Variants in AFAP1L2 observed in about 807,000 individuals in gnomAD.
AFAP1L2 encodes the protein actin filament associated protein 1 like 2, also known as actin filament-associated protein 1-like 2.
Under a neutral mutation model 99.3 loss-of-function variants are expected in AFAP1L2, and 46 were observed. The observed-to-expected ratio is 0.46, with a 90% CI of 0.37 to 0.59. The LOEUF (loss-of-function observed/expected upper bound fraction) is 0.59, where lower values mean the gene tolerates loss of function less well. Among genes scored for constraint, AFAP1L2 ranks in the 20% least tolerant of loss-of-function variants. The probability of loss-of-function intolerance (pLI) is 0.00; values close to 1 mark genes in which losing one functional copy is unlikely to be tolerated. For synonymous variants in AFAP1L2, 397 were observed against 419.1 expected (o/e 0.95, Z 0.64); for missense variants, 959 against 1,034.9 (o/e 0.93, Z 1.01).
intron 5 of AFAP1L2, among the ~76,000 whole-genome samples, chr10:114,316,457 C>T (rs752277891): frequency 3.3e-5 from 5 of 152,258 alleles, no homozygotes; most frequent in African/African-American, 1.2e-4. Context: ...ATACCCTCCA[C>T]AGACACTGCT....
rs542628512 is a variant in AFAP1L2 at position 114,299,233 on chromosome 10, G to T, written c.2113+27C>A. 4 of 1,613,240 alleles carry T rather than the reference G, an allele frequency of 2.5e-6. No individual in the cohort carries two copies. The South Asian group carries it at 3.3e-5, about 13-fold the overall frequency. The stretch of plus-strand genomic sequence containing the variant: ...GCCTACACGGCCCTCTGAGCTGAGG[G>T]TCCCTCCCCACTGGGGGCCCCCTTA... On this transcript the variant is annotated intron_variant, in intron 16 of 18. Coordinates refer to ENST00000304129, the MANE Select transcript of AFAP1L2 (RefSeq NM_001001936.3).
At chr10:114,324,398 C>CG (rs1202265855) in intron 4 of AFAP1L2, among the ~76,000 whole-genome samples, 1 of 4,852 alleles carries the variant, frequency 2.1e-4, no homozygotes, top group African/African-American at 3.6e-4. Context: ...GGTGCACCAC[C>CG]CCCCCCCCCC....
chr10:114,354,436 A>G (rs926204143), intron 1 of AFAP1L2, among the ~76,000 whole-genome samples: 1 of 152,218 alleles, frequency 6.6e-6, no homozygotes, highest in Non-Finnish European at 1.5e-5. Flanking sequence ...TTAGAGAACA[A>G]TAATGAGTGG....
chr10:114,361,522 G>A (rs2052412849), intron 1 of AFAP1L2, among the ~76,000 whole-genome samples: 1 of 152,192 alleles, frequency 6.6e-6, no homozygotes, highest in South Asian at 2.1e-4. Context: ...CCGGGGGACA[G>A]TACTCACTCA....
intron 1 of AFAP1L2, among the ~76,000 whole-genome samples, chr10:114,346,224 AG>A (rs1360715384): frequency 6.6e-6 from 1 of 152,138 alleles, no homozygotes; most frequent in Non-Finnish European, 1.5e-5. Flanking sequence ...AGGTCCAGCC[AG>A]GCCCCTTCTC....
chr10:114,293,591 C>T (rs2039802960), downstream of AFAP1L2, among the ~76,000 whole-genome samples: 2 of 152,136 alleles, frequency 1.3e-5, no homozygotes, highest in South Asian at 4.1e-4. Flanking sequence ...TTTTTTCTTT[C>T]ATTTAAAAGA....
chr10:114,314,041 A>T lies in AFAP1L2; in HGVS notation c.622T>A (p.Ser208Thr). 1 of 1,609,998 alleles carries T rather than the reference A, an allele frequency of 6.2e-7. No homozygotes were observed. The highest frequency in any genetic ancestry group is 8.5e-7 in the Non-Finnish European group (1 of 1,176,822). The change falls in exon 7 of 19, where the codon TCC becomes ACC. Residue 208 changes from serine to threonine, a missense_variant. Ser to Thr is a moderately conservative substitution (Grantham distance 58). Around this residue, in one of 2 missense-constraint regions of AFAP1L2, gnomAD observed 383 missense variants for 472.8 expected, o/e 0.81. Transcript: ENST00000304129. ...AGCTGAGGGCTGTGGTCCTTGGAGG[A>T]TTTGTAGCACTGGAAGGAAAGAGAG... ...IKDNRLLCYK[S>T]SKDHSPQLDV...
Position 114,297,118 on chromosome 10 carries a change from G to T in AFAP1L2, c.2308-18C>A. 6.2e-7 allele frequency: 1 copy of T among 1,613,786 alleles called. No individual in the cohort carries two copies. The highest frequency in any genetic ancestry group is 1.1e-5 in the South Asian group (1 of 91,046). ...GCTTTGGGCTGTGGTTATAGGAGGA[G>T]AGCAAGGGCTGAGTCAAGGGGAGGG... On this transcript the variant is annotated intron_variant, in intron 17 of 18. Transcript: ENST00000304129.
At chr10:114,305,402 G>A (rs1277104632) in intron 10 of AFAP1L2, among the ~76,000 whole-genome samples, 1 of 97,668 alleles carries the variant, frequency 1.0e-5, no homozygotes, top group African/African-American at 3.3e-5. Flanking sequence ...GGAGGGGACG[G>A]CGCTGCAGAA....
At chr10:114,323,146 C>G in intron 5 of AFAP1L2, 25 bp downstream of exon 5, 1 of 1,566,054 alleles carries the variant, frequency 6.4e-7, no homozygotes, top group Non-Finnish European at 8.7e-7. Flanking sequence ...AGTCACCCTC[C>G]CAAGCCCCAG....
chr10:114,286,514 A>G, the AFAP1L2 span: 1 of 1,558,650 alleles, frequency 6.4e-7, no homozygotes, highest in Non-Finnish European at 8.7e-7. Flanking sequence ...GCGGCCAGGT[A>G]AGGTCCCAGT....
chr10:114,349,459 T>C (rs1338840298), intron 1 of AFAP1L2, among the ~76,000 whole-genome samples: 2 of 146,880 alleles, frequency 1.4e-5, no homozygotes, highest in Non-Finnish European at 3.0e-5. Context: ...TGTGGTGGCA[T>C]GCACCTGTAG....
In AFAP1L2 at chr10:114,295,745, A is replaced by G. The variant is rs2040109831; in HGVS notation, c.*297T>C. 8.8e-7 allele frequency: 1 copy of G among 1,136,328 alleles called. No homozygotes were observed. Among genetic ancestry groups the G allele is most frequent in the Non-Finnish European group, 1.1e-6 (1 of 925,712 alleles). 70.4% of individuals were successfully genotyped at this position (1,136,328 alleles called of 1,614,324 possible). ...GTTTTCACTATTTAAAAATCTTAGTAAAGCAATTGATGACAACTTCAAAAA... is the reference window on the plus strand; with the variant it reads ...GTTTTCACTATTTAAAAATCTTAGTGAAGCAATTGATGACAACTTCAAAAA... On this transcript the variant is annotated 3_prime_UTR_variant, in exon 19 of 19. Coordinates refer to ENST00000304129, the MANE Select transcript of AFAP1L2 (RefSeq NM_001001936.3).
chr10:114,300,209 G>A lies in AFAP1L2; in HGVS notation c.1942C>T (p.Arg648Cys), dbSNP rs372871897. The A allele has an allele frequency of 1.5e-5, 24 of 1,614,036 alleles. No homozygotes were observed. The highest frequency in any genetic ancestry group is 6.7e-5 in the African/African-American group (5 of 74,928). The change falls in exon 15 of 19, where the codon CGC becomes TGC. Residue 648 changes from arginine to cysteine, a missense_variant. Around this residue, in one of 2 missense-constraint regions of AFAP1L2, gnomAD observed 576 missense variants for 562.1 expected, o/e 1.02. Coordinates refer to ENST00000304129, the MANE Select transcript of AFAP1L2 (RefSeq NM_001001936.3). ...GASPPVKDRL[R>C]VTSAEIKLGK... is the part of the protein sequence containing the mutation. ...GCACAAGTACCTGCACTGGTCACGC[G>A]CAACCTGTCCTTCACAGGTGGGCTG...
intron 18 of AFAP1L2, chr10:114,296,275 T>A: frequency 3.3e-6 from 2 of 613,810 alleles, no homozygotes; most frequent in East Asian, 2.8e-5. Context: ...CGAGTGCCTA[T>A]AAGTGATGTC....
chr10:114,395,142 G>C (rs1377662659), intron 1 of AFAP1L2, among the ~76,000 whole-genome samples: 1 of 152,112 alleles, frequency 6.6e-6, no homozygotes, highest in Non-Finnish European at 1.5e-5. Context: ...CCCTAAGTGT[G>C]CAGGAAACTG....
At chr10:114,342,921 G>GCT (rs1470120380) in intron 1 of AFAP1L2, among the ~76,000 whole-genome samples, 3 of 152,206 alleles carry the variant, frequency 2.0e-5, no homozygotes, top group Non-Finnish European at 4.4e-5. Flanking sequence ...TTTGTGTGGA[G>GCT]CTCACATTTC....
chr10:114,291,733 C>T (rs2039619395), downstream of AFAP1L2, among the ~76,000 whole-genome samples: 1 of 152,220 alleles, frequency 6.6e-6, no homozygotes, highest in African/African-American at 2.4e-5. Flanking sequence ...GCAGCTTTTC[C>T]ACTTCCCCAG....
intron 1 of AFAP1L2, among the ~76,000 whole-genome samples, chr10:114,379,425 A>G (rs1044169130): frequency 6.6e-6 from 1 of 152,102 alleles, no homozygotes; most frequent in Admixed American, 6.5e-5. Flanking sequence ...GGTCACACTG[A>G]CCTGGACTAA....
Sources: gnomAD v4.1 joint callset for allele counts (sites outside exome capture counted in the v4.1 genomes callset) on GRCh38, gnomAD v4.1.1 for gene constraint, gnomAD v4.1.1 regional missense constraint, MANE v1.5 for transcripts, NCBI Gene and HGNC (gene_info 2026-07-23, HGNC 2026-07-21) for gene names.